The following PCDHGA7 variants were observed in gnomAD, a reference collection of about 807,000 sequenced individuals.
PCDHGA7 encodes the protein protocadherin gamma-A7.
PCDHGA7 carries 44 observed loss-of-function variants against 58.3 expected under a neutral mutation model. That is an observed-to-expected ratio of 0.75 (90% CI 0.59 to 0.97). PCDHGA7 has a LOEUF of 0.97. PCDHGA7 is among the 50% of genes least tolerant of loss of function. PCDHGA7 has a pLI of 0.00. For synonymous variants in PCDHGA7, 516 were observed against 504.2 expected (o/e 1.02, Z -0.31); for missense variants, 1,266 against 1,188.7 (o/e 1.06, Z -0.96).
chr5:141,432,997 G>A lies in PCDHGA7; in HGVS notation c.2424+47674G>A, dbSNP rs778828769. ...CGCACTTTGTGGGCGTGGACGGGGT[G>A]CAGGCTTTCCTGCAGACCTATTCCC... is the stretch of plus-strand genomic sequence containing the variant. On this transcript the variant is annotated intron_variant, in intron 1 of 3. Coordinates refer to ENST00000518325, the MANE Select transcript of PCDHGA7 (RefSeq NM_018920.4). This position sits in a 1 kb window ranked among gnomAD's most constrained non-coding sequence, Gnocchi z 6.0. 5 of 1,614,082 alleles carry A rather than the reference G, an allele frequency of 3.1e-6. No homozygotes were observed. In the Admixed American group the frequency reaches 8.3e-5, roughly 27 times the overall value.
intron 1 of PCDHGA7, chr5:141,404,701 G>T (rs563319884): frequency 6.2e-7 from 1 of 1,614,074 alleles, no homozygotes; most frequent in African/African-American, 1.3e-5. Flanking sequence ...GCTCTGCAGA[G>T]CCTGGCTACC....
intron 1 of PCDHGA7, chr5:141,399,924 G>A: frequency 6.2e-7 from 1 of 1,612,346 alleles, no homozygotes; most frequent in Non-Finnish European, 8.5e-7. Context: ...ACAACGCCTG[G>A]CTGTCCTACC....
chr5:141,442,697 G>C (rs1443734141), intron 1 of PCDHGA7, among the ~76,000 whole-genome samples: 2 of 152,258 alleles, frequency 1.3e-5, no homozygotes, highest in East Asian at 1.9e-4. Flanking sequence ...AGGCAGACAA[G>C]AGTATCAGAC....
At chr5:141,412,067 G>A (rs1428018643) in intron 1 of PCDHGA7, 2 of 152,170 alleles carry the variant, frequency 1.3e-5, no homozygotes, top group Non-Finnish European at 2.9e-5. Context: ...TTGCATTTGA[G>A]GGAACAATTG....
At chr5:141,467,767 C>T (rs72790060) in intron 1 of PCDHGA7, among the ~76,000 whole-genome samples, 25,555 of 151,632 alleles carry the variant, frequency 0.17, 2,195 homozygotes, top group South Asian at 0.22. Context: ...GCTCAAGTGC[C>T]CGCACCTCAG....
chr5:141,399,623 C>G, intron 1 of PCDHGA7: 2 of 1,613,920 alleles, frequency 1.2e-6, no homozygotes, highest in Non-Finnish European at 1.7e-6. Context: ...GCACTGGCCT[C>G]TTACGTGTCC....
At chr5:141,441,930 G>T in intron 1 of PCDHGA7, 1 of 347,232 alleles carries the variant, frequency 2.9e-6, no homozygotes, top group Non-Finnish European at 5.5e-6. Flanking sequence ...ATGCGTGGCT[G>T]TCCTACCACG....
chr5:141,491,414 G>C lies in PCDHGA7; in HGVS notation c.2425-3393G>C, dbSNP rs137987971. 35 of 1,614,008 alleles carry C rather than the reference G, an allele frequency of 2.2e-5. No homozygotes were observed. Among genetic ancestry groups the C allele is most frequent in the African/African-American group, 1.3e-4 (10 of 74,910 alleles). On this transcript the variant is annotated intron_variant, in intron 1 of 3. Coordinates refer to ENST00000518325, the MANE Select transcript of PCDHGA7 (RefSeq NM_018920.4). The surrounding 1 kb of genome is among the most constrained non-coding windows in gnomAD (Gnocchi z 6.9). ...CTTCAGGGAAACGCAGACGGGGACG[G>C]GGGTGGAGGGCAGTGCTGCAGGCGC...
chr5:141,423,708 T>A (rs1384948123), intron 1 of PCDHGA7: 23 of 1,349,902 alleles, frequency 1.7e-5, no homozygotes, highest in Non-Finnish European at 2.2e-5. Flanking sequence ...TTGGCACAAG[T>A]CTTTTAAGGA....
rs757503771 is a variant in PCDHGA7 at position 141,433,052 on chromosome 5, A to C, written c.2424+47729A>C. 31 of 1,614,060 alleles carry C rather than the reference A, an allele frequency of 1.9e-5. No homozygotes were observed. Among genetic ancestry groups the C allele is most frequent in the Non-Finnish European group, 1.8e-5 (21 of 1,180,044 alleles). On this transcript the variant is annotated intron_variant, in intron 1 of 3. Coordinates refer to ENST00000518325, the MANE Select transcript of PCDHGA7 (RefSeq NM_018920.4). ...GGTTTCCCTCACCACGGACTCGCGG[A>C]AGAGTCACCTGATCTTCCCCCAGCC...
At chr5:141,419,917 T>C in intron 1 of PCDHGA7, 1 of 1,612,890 alleles carries the variant, frequency 6.2e-7, no homozygotes, top group Non-Finnish European at 8.5e-7. Context: ...ACTCCCAGGC[T>C]GAGATGCAGT....
intron 1 of PCDHGA7, chr5:141,416,674 G>T (rs547618174): frequency 6.6e-6 from 1 of 152,132 alleles, no homozygotes; most frequent in Non-Finnish European, 1.5e-5. Context: ...TATATGCAAC[G>T]AAGGGAAATT....
chr5:141,393,464 C>T (rs1264655164), intron 1 of PCDHGA7: 10 of 1,613,912 alleles, frequency 6.2e-6, no homozygotes, highest in African/African-American at 2.7e-5. Context: ...CCTCGGATGG[C>T]GGCAAGCCGC....
intron 1 of PCDHGA7, chr5:141,426,408 G>A (rs2096933631): frequency 1.2e-5 from 3 of 258,388 alleles, no homozygotes; most frequent in South Asian, 4.8e-5. Flanking sequence ...CAGAAGAAAC[G>A]GTCCAGGGCT....
chr5:141,498,940 A>G (rs527366029), intron 2 of PCDHGA7, among the ~76,000 whole-genome samples: 57 of 140,142 alleles, frequency 4.1e-4, no homozygotes, highest in Non-Finnish European at 7.3e-4. Flanking sequence ...CAGGAAAGAA[A>G]GAAAGAAAAA....
rs2099725414 is a variant in PCDHGA7, at chr5:141,491,703, GA to G, written c.2425-3103del. On this transcript the variant is annotated intron_variant, in intron 1 of 3. Coordinates refer to ENST00000518325, the MANE Select transcript of PCDHGA7 (RefSeq NM_018920.4). The surrounding 1 kb of genome is among the most constrained non-coding windows in gnomAD (Gnocchi z 6.9). ...ATACGCTGCGGGAGCGGAGCCAGGT[GA>G]GGGGCTCGGCGCCGCCCCGGGCGAC... is the stretch of plus-strand genomic sequence containing the variant. The G allele has an allele frequency of 3.7e-6, 6 of 1,611,396 alleles. No homozygotes were observed.
chr5:141,423,338 T>A, intron 1 of PCDHGA7: 1 of 1,614,150 alleles, frequency 6.2e-7, no homozygotes, highest in Middle Eastern at 1.6e-4. Flanking sequence ...GTCTCCTGCA[T>A]CTTCCTGGTC....
Position 141,384,817 on chromosome 5 carries a change from C to T in PCDHGA7, c.1918C>T (p.Gln640Ter), listed in dbSNP as rs373370095. Residue 640 changes from glutamine (Q) to a stop codon, truncating the protein, a stop_gained, in exon 1 of 4, where the codon CAG becomes TAG. Coordinates refer to ENST00000518325, the MANE Select transcript of PCDHGA7 (RefSeq NM_018920.4). LOFTEE classifies it high-confidence loss of function. ...RALLDRDALK[Q>*]SLVVAVQDHG... Reference sequence around the variant, plus strand: ...CCTGCTGGACAGAGATGCCCTCAAGCAGAGCCTCGTGGTGGCCGTCCAGGA... The same window carrying T: ...CCTGCTGGACAGAGATGCCCTCAAGTAGAGCCTCGTGGTGGCCGTCCAGGA... 4.3e-6 allele frequency: 7 copies of T among 1,613,298 alleles called. No homozygotes were observed. In the African/African-American group the frequency reaches 5.3e-5, roughly 12 times the overall value.
chr5:141,422,259 C>T (rs751340056), intron 1 of PCDHGA7: 2 of 1,565,034 alleles, frequency 1.3e-6, no homozygotes, highest in Non-Finnish European at 1.7e-6. Flanking sequence ...TGAATGATAA[C>T]GCTCCAGAAA....
Sources: allele counts gnomAD v4.1 joint callset (sites outside exome capture counted in the v4.1 genomes callset), GRCh38; gene constraint gnomAD v4.1.1; non-coding constraint Gnocchi (gnomAD v3.1); transcripts MANE v1.5; gene names NCBI Gene and HGNC (gene_info 2026-07-23, HGNC 2026-07-21).